Variants in FGGY observed in about 807,000 individuals in gnomAD.
The protein encoded by FGGY is FGGY carbohydrate kinase domain containing.
In FGGY, 72 loss-of-function variants were observed where a neutral mutation model predicts 71.3. The observed-to-expected ratio is 1.01, with a 90% CI of 0.84 to 1.23. FGGY has a LOEUF of 1.23. Among genes scored for constraint, FGGY ranks in the 50% most tolerant of loss-of-function variants. FGGY has a pLI of 0.00. For synonymous variants in FGGY, 251 were observed against 250.3 expected (o/e 1.00, Z -0.02); for missense variants, 668 against 682.3 (o/e 0.98, Z 0.23).
chr1:59,482,727 T>C (rs2093532836), intron 6 of FGGY, among the ~76,000 whole-genome samples: 1 of 151,966 alleles, frequency 6.6e-6, no homozygotes, highest in Admixed American at 6.6e-5. Context: ...ATTGTTCTTC[T>C]CATTTTATAG....
rs201564247 is a variant in FGGY, at chr1:59,321,742, G to A, written c.193G>A (p.Val65Ile). The change falls in exon 2 of 16, where the codon GTC becomes ATC. Residue 65 changes from valine to isoleucine, a missense_variant. Val to Ile is a conservative substitution (Grantham distance 29). Transcript: ENST00000303721. ...GGACATCTGGGCTGCGTGCTGTGTT[G>A]TCACAAAGGTATGGGCAAAACTGGT... is the stretch of plus-strand genomic sequence containing the variant. ...SEDIWAACCV[V>I]TKKVVQGIDL... The A allele has an allele frequency of 1.8e-4, 288 of 1,610,024 alleles. 1 individual carries two copies. The African/African-American group carries it at 3.5e-3, about 20-fold the overall frequency.
chr1:59,559,240 A>G (rs1324649394), intron 8 of FGGY, among the ~76,000 whole-genome samples: 2 of 152,228 alleles, frequency 1.3e-5, no homozygotes, highest in Non-Finnish European at 2.9e-5. Flanking sequence ...TATTAAAATG[A>G]AATCTTCACA....
rs929484508 is a variant in FGGY, at chr1:59,340,014, G to C, written c.258G>C (p.Thr86=). The C allele has an allele frequency of 1.2e-5, 19 of 1,613,262 alleles. No homozygotes were observed. The highest frequency in any genetic ancestry group is 1.6e-5 in the Non-Finnish European group (19 of 1,179,612). ...TTCGAGGACTTGGGTTTGATGCCAC[G>C]TGTTCTCTGGTTGTTTTGGATAAGC... is the stretch of plus-strand genomic sequence containing the variant. The part of the protein sequence containing the change: ...NQIRGLGFDA[T]CSLVVLDKQF... The change falls in exon 3 of 16, where the codon ACG becomes ACC. Residue 86 remains threonine, a synonymous_variant. Transcript: ENST00000303721.
chr1:59,704,225 G>T lies in FGGY; in HGVS notation c.1512+30092G>T, dbSNP rs531767593. On this transcript the variant is annotated intron_variant, in intron 14 of 15. Transcript: ENST00000303721. ...AGCAGAAGAGCGACCCAGCCCTGGG[G>T]CTGGGTCAGAGGATTTCTCAATCCT... Among the ~76,000 whole-genome samples, 10 of 152,186 alleles carry T rather than the reference G, an allele frequency of 6.6e-5. No homozygotes were observed. In the South Asian group the frequency reaches 2.1e-3, roughly 32 times the overall value.
chr1:59,581,792 C>T (rs925186652), intron 8 of FGGY, among the ~76,000 whole-genome samples: 2 of 150,108 alleles, frequency 1.3e-5, no homozygotes, highest in Non-Finnish European at 2.9e-5. Flanking sequence ...GTTTACCCAG[C>T]TAGTAAGTAG....
intron 8 of FGGY, among the ~76,000 whole-genome samples, chr1:59,578,621 A>G (rs1026706077): frequency 1.3e-5 from 2 of 152,096 alleles, no homozygotes; most frequent in Non-Finnish European, 2.9e-5. Context: ...TGGCCTGAGG[A>G]CTTTTATAAT....
intron 14 of FGGY, among the ~76,000 whole-genome samples, chr1:59,703,973 T>C (rs2154021384): frequency 6.6e-6 from 1 of 152,280 alleles, no homozygotes; most frequent in African/African-American, 2.4e-5. Flanking sequence ...TGTAGTTGTA[T>C]TGGAGTGTGA....
chr1:59,315,847 T>G (rs1231032934), intron 1 of FGGY: 1 of 151,990 alleles, frequency 6.6e-6, no homozygotes, highest in Non-Finnish European at 1.5e-5. Context: ...CTTAAAACTT[T>G]TAGAACTGTC....
At chr1:59,600,039 A>T (rs949089119) in intron 8 of FGGY, among the ~76,000 whole-genome samples, 2 of 152,242 alleles carry the variant, frequency 1.3e-5, no homozygotes, top group Non-Finnish European at 2.9e-5. Context: ...TGGTGGAGGT[A>T]TGAAAGATTC....
At chr1:59,627,729 C>T (rs183155983) in intron 10 of FGGY, among the ~76,000 whole-genome samples, 35 of 151,746 alleles carry the variant, frequency 2.3e-4, no homozygotes, top group African/African-American at 3.4e-4. Context: ...GTCTACGCTG[C>T]GGCAGTAAAA....
At chr1:59,480,931 T>C (rs922524135) in intron 6 of FGGY, among the ~76,000 whole-genome samples, 3 of 152,238 alleles carry the variant, frequency 2.0e-5, no homozygotes, top group African/African-American at 7.2e-5. Flanking sequence ...GATGGTCTAC[T>C]GGGTATAGAC....
chr1:59,658,630 A>G (rs1444763374), intron 11 of FGGY, among the ~76,000 whole-genome samples: 2 of 152,196 alleles, frequency 1.3e-5, no homozygotes, highest in African/African-American at 4.8e-5. Flanking sequence ...GAGACAGTGA[A>G]CGCATTTCTA....
intron 4 of FGGY, among the ~76,000 whole-genome samples, chr1:59,354,064 AAT>A (rs2053803927): frequency 6.6e-6 from 1 of 151,012 alleles, no homozygotes; most frequent in Non-Finnish European, 1.5e-5. Flanking sequence ...GCTACCCTAT[AAT>A]TATTGTATTT....
chr1:59,326,177 A>G (rs1570407391), intron 2 of FGGY, among the ~76,000 whole-genome samples: 1 of 152,372 alleles, frequency 6.6e-6, no homozygotes, highest in East Asian at 1.9e-4. Context: ...TTTATTGAGC[A>G]CTTAACTATG....
intron 1 of FGGY, among the ~76,000 whole-genome samples, chr1:59,319,639 G>A (rs1431045635): frequency 6.6e-6 from 1 of 152,204 alleles, no homozygotes; most frequent in African/African-American, 2.4e-5. Flanking sequence ...GAAGGGATGA[G>A]CAAAGGATTG....
intron 14 of FGGY, among the ~76,000 whole-genome samples, chr1:59,692,130 T>C: frequency 6.6e-6 from 1 of 152,192 alleles, no homozygotes; most frequent in East Asian, 1.9e-4. Context: ...GGTTAAGTGC[T>C]ATAAAGGAAA....
intron 14 of FGGY, among the ~76,000 whole-genome samples, chr1:59,677,839 C>T (rs1431398015): frequency 6.6e-6 from 1 of 152,136 alleles, no homozygotes; most frequent in Non-Finnish European, 1.5e-5. Flanking sequence ...CATTCAGATT[C>T]TCCTTCTCTT....
At chr1:59,361,935 G>T (rs1012394595) in intron 4 of FGGY, among the ~76,000 whole-genome samples, 1 of 152,134 alleles carries the variant, frequency 6.6e-6, no homozygotes, top group African/African-American at 2.4e-5. Flanking sequence ...TCTCTTGGGT[G>T]GTGGGGGGTG....
chr1:59,375,134 C>G (rs1218289832), intron 4 of FGGY, among the ~76,000 whole-genome samples: 1 of 151,156 alleles, frequency 6.6e-6, no homozygotes, highest in African/African-American at 2.4e-5. Flanking sequence ...GTGGCATGCA[C>G]CTGTGTTCCC....
Sources: allele counts gnomAD v4.1 joint callset (sites outside exome capture counted in the v4.1 genomes callset), GRCh38; gene constraint gnomAD v4.1.1; transcripts MANE v1.5; gene names NCBI Gene and HGNC (gene_info 2026-07-23, HGNC 2026-07-21).